Variants in CBLC observed in about 807,000 individuals in gnomAD.
The protein encoded by CBLC is E3 ubiquitin-protein ligase CBL-C.
A neutral mutation model predicts 58.6 loss-of-function variants in CBLC; 46 were observed. The ratio of observed to expected loss-of-function variants is 0.79; its 90% CI spans 0.62 to 1.00. The LOEUF (loss-of-function observed/expected upper bound fraction) is 1.00. Among genes scored for constraint, CBLC ranks in the 50% least tolerant of loss-of-function variants. The pLI is 0.00. For missense variants in CBLC, 655 were observed against 625.8 expected (o/e 1.05, Z -0.50); for synonymous variants, 271 against 264.2 (o/e 1.03, Z -0.25).
At chr19:44,790,896 G>A (rs556995007) in intron 6 of CBLC, among the ~76,000 whole-genome samples, 3 of 152,236 alleles carry the variant, frequency 2.0e-5, no homozygotes, top group Admixed American at 6.5e-5. Context: ...GATCACCTGA[G>A]GTCAGGAGTT....
At chr19:44,785,020 G>A (rs1236846904) in intron 5 of CBLC, among the ~76,000 whole-genome samples, 1 of 122,230 alleles carries the variant, frequency 8.2e-6, no homozygotes. Flanking sequence ...CGCCCTGACT[G>A]GAGTGCAATG....
chr19:44,790,109 ACCCGCAGTCCCAGTTC>A lies in CBLC; in HGVS notation c.1005+21_1005+36del. 1 of 1,594,952 alleles carries A rather than the reference ACCCGCAGTCCCAGTTC, an allele frequency of 6.3e-7. No individual in the cohort carries two copies. Among genetic ancestry groups the A allele is most frequent in the East Asian group, 2.2e-5 (1 of 44,756 alleles). On this transcript the variant is annotated intron_variant, in intron 6 of 10. Coordinates refer to ENST00000647358, the MANE Select transcript of CBLC (RefSeq NM_012116.4). ...TGTCAGAGGTGAGACCCGCACCTGC[ACCCGCAGTCCCAGTTC>A]CCTGACCCTGCCACCCCCACGTTGC...
chr19:44,798,070 T>A (rs1599876034), intron 9 of CBLC, among the ~76,000 whole-genome samples: 1 of 151,964 alleles, frequency 6.6e-6, no homozygotes, highest in East Asian at 1.9e-4. Context: ...AAACCTCCCT[T>A]TAGGGGACGA....
At chr19:44,781,680 G>GA (rs1967745371) in intron 3 of CBLC, among the ~76,000 whole-genome samples, 1 of 128,304 alleles carries the variant, frequency 7.8e-6, no homozygotes, top group East Asian at 2.4e-4. Flanking sequence ...AAGGCCTGGG[G>GA]CCTGGACTCC....
chr19:44,799,247 G>A (rs148933445), intron 9 of CBLC, among the ~76,000 whole-genome samples: 1,864 of 152,338 alleles, frequency 0.012, 19 homozygotes, highest in Non-Finnish European at 0.021. Context: ...TGAGGCAGGA[G>A]GATGGTTTAA....
At chr19:44,791,732 CAAAA>C (rs774565610) in intron 6 of CBLC, among the ~76,000 whole-genome samples, 2 of 76,676 alleles carry the variant, frequency 2.6e-5, no homozygotes, top group Admixed American at 1.4e-4. Context: ...ACTGCGTCTC[CAAAA>C]AAAAAAAAAA....
intron 9 of CBLC, among the ~76,000 whole-genome samples, chr19:44,800,170 TC>T (rs1457919198): frequency 7.9e-5 from 12 of 152,046 alleles, no homozygotes; most frequent in Non-Finnish European, 4.4e-5. Context: ...CTTCATCTCC[TC>T]CCCCCAGGCA....
intron 9 of CBLC, among the ~76,000 whole-genome samples, 167 bp downstream of exon 9, chr19:44,794,448 T>C (rs920544577): frequency 5.5e-5 from 8 of 146,692 alleles, no homozygotes; most frequent in African/African-American, 2.0e-4. Context: ...ATTCCCCCTC[T>C]GGGACTTTCT....
intron 9 of CBLC, among the ~76,000 whole-genome samples, chr19:44,796,675 G>A (rs1366059080): frequency 2.0e-5 from 3 of 152,054 alleles, no homozygotes; most frequent in African/African-American, 4.8e-5. Flanking sequence ...GTGAGCCACC[G>A]CGCCCGGCCT....
At chr19:44,792,637 C>A in intron 7 of CBLC, 123 bp downstream of exon 7, 1 of 995,694 alleles carries the variant, frequency 1.0e-6, no homozygotes, top group Non-Finnish European at 1.4e-6. Flanking sequence ...GGGCAAAGAG[C>A]TGATGGCAAC....
At chr19:44,786,318 G>A (rs961810781) in intron 5 of CBLC, among the ~76,000 whole-genome samples, 1 of 151,746 alleles carries the variant, frequency 6.6e-6, no homozygotes, top group Non-Finnish European at 1.5e-5. Flanking sequence ...AAGGCCGGGC[G>A]CAGTGGCTCA....
chr19:44,794,159 A>T, intron 8 of CBLC, 45 bp from the exon 9 acceptor site: 7 of 1,577,824 alleles, frequency 4.4e-6, no homozygotes, highest in Non-Finnish European at 6.0e-6. Context: ...GCGAGAAGAA[A>T]ATGGCAGCTC....
At chr19:44,791,996 CTTT>C (rs113106418) in intron 6 of CBLC, among the ~76,000 whole-genome samples, 3 of 141,156 alleles carry the variant, frequency 2.1e-5, no homozygotes, top group African/African-American at 2.6e-5. Flanking sequence ...TTCTTTCTTT[CTTT>C]TTTTTTTTTT....
At chr19:44,794,370 G>A in intron 9 of CBLC, 89 bp downstream of exon 9, 5 of 1,238,348 alleles carry the variant, frequency 4.0e-6, no homozygotes, top group Non-Finnish European at 5.8e-6. Context: ...GGGTGCCAGG[G>A]CAGGGACTCA....
Position 44,792,487 on chromosome 19 carries a change from C to G in CBLC, c.1110C>G (p.Leu370=). Residue 370 remains leucine (L), a synonymous_variant, in exon 7 of 11, where the codon CTC becomes CTG. Coordinates refer to ENST00000647358, the MANE Select transcript of CBLC (RefSeq NM_012116.4). ...AGATTGAGCCGTGCGGGCACCTGCT[C>G]TGCAGCTGCTGCCTGGCTGCCTGGC... ...DVKIEPCGHL[L]CSCCLAAWQH... The G allele has an allele frequency of 6.2e-7, 1 of 1,606,346 alleles. No individual in the cohort carries two copies. The highest frequency in any genetic ancestry group is 1.1e-5 in the South Asian group (1 of 90,508).
intron 5 of CBLC, among the ~76,000 whole-genome samples, chr19:44,787,448 G>C (rs1262262494): frequency 1.3e-5 from 2 of 151,564 alleles, no homozygotes; most frequent in Non-Finnish European, 2.9e-5. Context: ...CTTCTTATTG[G>C]GTGTTTATGC....
intron 7 of CBLC, among the ~76,000 whole-genome samples, chr19:44,793,190 G>A (rs912687644): frequency 2.0e-5 from 3 of 152,126 alleles, no homozygotes; most frequent in Non-Finnish European, 4.4e-5. Flanking sequence ...CTGAGGGTCT[G>A]AGCCTGGAAA....
intron 9 of CBLC, among the ~76,000 whole-genome samples, chr19:44,799,579 A>G (rs1312145517): frequency 6.6e-6 from 1 of 151,826 alleles, no homozygotes; most frequent in Non-Finnish European, 1.5e-5. Context: ...TGATCCACCC[A>G]CCTCGGCCTC....
Position 44,800,398 on chromosome 19 carries a change from C to G in CBLC, c.1380C>G (p.Asn460Lys). 1 of 1,612,768 alleles carries G rather than the reference C, an allele frequency of 6.2e-7. No individual in the cohort carries two copies. Among genetic ancestry groups the G allele is most frequent in the Non-Finnish European group, 8.5e-7 (1 of 1,178,790 alleles). ...CATTGCAGAGACTCCTAAAGGGGAACTCCCCTCCAGCTGCGCTGGGACCCC... is the reference window on the plus strand; with the variant it reads ...CATTGCAGAGACTCCTAAAGGGGAAGTCCCCTCCAGCTGCGCTGGGACCCC... ...AQPKVRLLKGNSPPAALGPQD... is the reference protein window; with the variant it reads ...AQPKVRLLKGKSPPAALGPQD... The change falls in exon 10 of 11, where the codon AAC becomes AAG. Residue 460 changes from asparagine (N) to lysine (K), a missense_variant. Around this residue, in one of 3 missense-constraint regions of CBLC, gnomAD observed 371 missense variants for 370.8 expected, o/e 1.00. Transcript: ENST00000647358.
Sources: gnomAD v4.1 joint callset for allele counts (sites outside exome capture counted in the v4.1 genomes callset) on GRCh38, gnomAD v4.1.1 for gene constraint, gnomAD v4.1.1 regional missense constraint, MANE v1.5 for transcripts, NCBI Gene and HGNC (gene_info 2026-07-23, HGNC 2026-07-21) for gene names.